CDH12: variants seen among roughly 807,000 people sequenced by gnomAD.
The protein encoded by CDH12 is cadherin-12.
Under a neutral mutation model 74.1 loss-of-function variants are expected in CDH12, and 41 were observed. The observed-to-expected ratio is 0.55, with a 90% confidence interval of 0.43 to 0.72. The LOEUF (loss-of-function observed/expected upper bound fraction) is 0.72. CDH12 is among the 30% of genes least tolerant of loss of function. The probability of loss-of-function intolerance (pLI) is 0.00; values close to 1 mark genes in which losing one functional copy is unlikely to be tolerated. For synonymous variants in CDH12, 399 were observed against 355.0 expected, an observed-to-expected ratio of 1.12 and a Z score of -1.39; for missense variants, 945 against 977.2, an observed-to-expected ratio of 0.97 and a Z score of 0.44.
intron 1 of CDH12, among the ~76,000 whole-genome samples, chr5:22,656,147 T>C (rs535729421): frequency 1.3e-5 from 2 of 152,330 alleles, no homozygotes; most frequent in East Asian, 3.9e-4. Flanking sequence ...TTAGATTTTA[T>C]GGATTTTTTG....
chr5:22,204,402 C>T (rs1751103380), intron 4 of CDH12, among the ~76,000 whole-genome samples: 1 of 152,154 alleles, frequency 6.6e-6, no homozygotes, highest in South Asian at 2.1e-4. Context: ...ACCTCATGAT[C>T]CGCCCGCCTC....
At chr5:22,246,557 T>A (rs544168207) in intron 3 of CDH12, among the ~76,000 whole-genome samples, 1 of 152,242 alleles carries the variant, frequency 6.6e-6, no homozygotes, top group South Asian at 2.1e-4. Flanking sequence ...ACAAACAAAA[T>A]GCTTAAATCA....
rs1443975574 is a variant in CDH12, at chr5:21,975,944, A to G, written c.232-559T>C. 3.3e-5 allele frequency among the ~76,000 whole-genome samples: 5 copies of G among 152,070 alleles called. No individual in the cohort carries two copies. In the East Asian group the frequency reaches 9.6e-4, roughly 29 times the overall value. On this transcript the variant is annotated intron_variant, in intron 5 of 14. Transcript: ENST00000382254. ...TAAACACCACAAAATAAACTTTCCA[A>G]GTGTTCTGAAGATGAAATCAATGAC...
chr5:22,690,931 T>C (rs567475059), intron 1 of CDH12, among the ~76,000 whole-genome samples: 2 of 152,260 alleles, frequency 1.3e-5, no homozygotes, highest in East Asian at 1.9e-4. Flanking sequence ...GGTTAATGTC[T>C]CTCAGACTGG....
chr5:22,725,753 C>A (rs1005394272), intron 1 of CDH12, among the ~76,000 whole-genome samples: 1 of 151,770 alleles, frequency 6.6e-6, no homozygotes, highest in Non-Finnish European at 1.5e-5. Flanking sequence ...ACTATAGCAG[C>A]ACATTTCCAA....
chr5:21,755,544 G>A (rs73054906), intron 14 of CDH12, 47 bp downstream of exon 14: 51,124 of 1,565,208 alleles, frequency 0.033, 963 homozygotes, highest in Middle Eastern at 0.055. Flanking sequence ...GGAAAAAAAG[G>A]AAGAGAGAGC....
chr5:21,769,292 C>T (rs1368609156), intron 11 of CDH12, among the ~76,000 whole-genome samples: 1 of 151,650 alleles, frequency 6.6e-6, no homozygotes, highest in African/African-American at 2.4e-5. Context: ...TAAATGGTAT[C>T]CAGATGGAAA....
chr5:22,022,004 T>A (rs1738013057), intron 5 of CDH12, among the ~76,000 whole-genome samples: 1 of 152,098 alleles, frequency 6.6e-6, no homozygotes. Flanking sequence ...CCTAGATAAT[T>A]TTTAAAATTT....
intron 1 of CDH12, among the ~76,000 whole-genome samples, chr5:22,798,178 G>A (rs1748327284): frequency 6.6e-6 from 1 of 151,994 alleles, no homozygotes; most frequent in South Asian, 2.1e-4. Context: ...ATCTAGTTCT[G>A]ACTTCTTCAG....
chr5:22,123,517 C>T (rs1425934274), intron 4 of CDH12, among the ~76,000 whole-genome samples: 1 of 151,994 alleles, frequency 6.6e-6, no homozygotes, highest in Admixed American at 6.6e-5. Context: ...GGTATGTAGT[C>T]GTTCGATTTA....
At chr5:22,247,660 G>A (rs1752997539) in intron 3 of CDH12, among the ~76,000 whole-genome samples, 1 of 118,470 alleles carries the variant, frequency 8.4e-6, no homozygotes, top group African/African-American at 3.2e-5. Context: ...GGGCGACAGA[G>A]TGAGACTCCG....
At chr5:22,407,431 G>A (rs1377830821) in intron 2 of CDH12, among the ~76,000 whole-genome samples, 1 of 151,940 alleles carries the variant, frequency 6.6e-6, no homozygotes, top group Non-Finnish European at 1.5e-5. Flanking sequence ...TATTATGTCA[G>A]TTAATACCAT....
At position 22,062,849 on chromosome 5, in the gene CDH12, G is replaced by A. The variant is rs533027664; in HGVS notation, c.231+15597C>T. On this transcript the variant is annotated intron_variant, in intron 5 of 14. Transcript: ENST00000382254. ...GACATACTTCTATGAAGACTGAGTT[G>A]GTATTATGAGCCTTGAATCACAAAT... 9.2e-5 allele frequency among the ~76,000 whole-genome samples: 14 copies of A among 152,144 alleles called. 2 individuals are homozygous for A. Among genetic ancestry groups the A allele is most frequent in the African/African-American group, 3.1e-4 (13 of 41,524 alleles).
At chr5:22,598,852 T>C (rs1736720756) in intron 1 of CDH12, among the ~76,000 whole-genome samples, 1 of 152,114 alleles carries the variant, frequency 6.6e-6, no homozygotes, top group African/African-American at 2.4e-5. Context: ...TCCCCCTCCT[T>C]GTATCTCCCA....
At chr5:22,355,859 T>C (rs1740545103) in intron 3 of CDH12, among the ~76,000 whole-genome samples, 1 of 152,142 alleles carries the variant, frequency 6.6e-6, no homozygotes, top group Admixed American at 6.6e-5. Context: ...AGGAGTCAAG[T>C]TATTTATGAC....
chr5:22,587,106 G>A (rs191715766), intron 1 of CDH12, among the ~76,000 whole-genome samples: 178 of 152,160 alleles, frequency 1.2e-3, no homozygotes, highest in African/African-American at 4.0e-3. Flanking sequence ...AAAGTGCTGG[G>A]ATTACAGTCG....
intron 3 of CDH12, among the ~76,000 whole-genome samples, chr5:22,359,400 C>A (rs946648867): frequency 3.3e-5 from 5 of 152,134 alleles, no homozygotes; most frequent in African/African-American, 7.2e-5. Context: ...TACATATGCA[C>A]CCAATACAGG....
At chr5:22,071,120 C>T (rs1201072819) in intron 5 of CDH12, among the ~76,000 whole-genome samples, 2 of 151,952 alleles carry the variant, frequency 1.3e-5, no homozygotes, top group Admixed American at 6.6e-5. Context: ...CACATGTATC[C>T]TGGCATTTAA....
chr5:22,452,030 C>T (rs562640554), intron 2 of CDH12, among the ~76,000 whole-genome samples: 8 of 151,646 alleles, frequency 5.3e-5, no homozygotes, highest in East Asian at 1.9e-4. Flanking sequence ...GGTGAAATAT[C>T]GCTATAATGA....
Sources: gnomAD v4.1 joint callset for allele counts (sites outside exome capture counted in the v4.1 genomes callset) on GRCh38, gnomAD v4.1.1 for gene constraint, MANE v1.5 for transcripts, NCBI Gene and HGNC (gene_info 2026-07-23, HGNC 2026-07-21) for gene names.